PIGL: variants seen among roughly 807,000 people sequenced by gnomAD.
The protein encoded by PIGL is phosphatidylinositol glycan anchor biosynthesis class L, also known as N-acetylglucosaminyl-phosphatidylinositol de-N-acetylase.
Under a neutral mutation model 31.1 loss-of-function variants are expected in PIGL, and 22 were observed. The ratio of observed to expected loss-of-function variants is 0.71; its 90% CI spans 0.51 to 1.01. PIGL has a LOEUF of 1.01. PIGL is among the 50% of genes least tolerant of loss of function. The pLI, the probability that PIGL is intolerant of heterozygous loss-of-function variation, is 0.00. For synonymous variants in PIGL, 131 were observed against 117.4 expected, an observed-to-expected ratio of 1.12 and a Z score of -0.75; for missense variants, 302 against 315.9, an observed-to-expected ratio of 0.96 and a Z score of 0.33.
At chr17:16,316,906 G>C (rs1003737840) in intron 5 of PIGL, 194 bp downstream of exon 5, 13 of 1,369,654 alleles carry the variant, frequency 9.5e-6, no homozygotes, top group Non-Finnish European at 1.2e-5. Context: ...CTGCCTGCAG[G>C]GCCACCTCTG....
At chr17:16,239,220 A>T (rs1439089476) in intron 2 of PIGL, among the ~76,000 whole-genome samples, 1 of 150,816 alleles carries the variant, frequency 6.6e-6, no homozygotes, top group East Asian at 2.0e-4. Flanking sequence ...CGGGTGGCTC[A>T]CGCCTGTAAT....
At chr17:16,237,373 G>A (rs947916062) in intron 2 of PIGL, among the ~76,000 whole-genome samples, 5 of 151,156 alleles carry the variant, frequency 3.3e-5, no homozygotes, top group Non-Finnish European at 5.9e-5. Context: ...CTCCCAAAGT[G>A]CTGGGATTAC....
At chr17:16,255,701 C>T (rs190886295) in intron 2 of PIGL, among the ~76,000 whole-genome samples, 70 of 152,306 alleles carry the variant, frequency 4.6e-4, no homozygotes, top group African/African-American at 1.5e-3. Flanking sequence ...GATCTGACCA[C>T]GCGTCCTCTC....
intron 2 of PIGL, among the ~76,000 whole-genome samples, chr17:16,262,918 A>G (rs1456117999): frequency 6.6e-6 from 1 of 152,190 alleles, no homozygotes; most frequent in Non-Finnish European, 1.5e-5. Flanking sequence ...ATGCTGTAGC[A>G]TGGATGAACC....
intron 1 of PIGL, among the ~76,000 whole-genome samples, chr17:16,221,838 C>T (rs987674276): frequency 6.6e-6 from 1 of 152,120 alleles, no homozygotes; most frequent in Non-Finnish European, 1.5e-5. Flanking sequence ...CTGGGCTGCT[C>T]TTGAACTCCT....
chr17:16,315,310 G>A (rs193022759), intron 4 of PIGL, among the ~76,000 whole-genome samples: 8 of 152,244 alleles, frequency 5.3e-5, no homozygotes, highest in East Asian at 3.9e-4. Flanking sequence ...TGCTAAATTC[G>A]TTAGACTCAC....
At chr17:16,281,549 A>C (rs191873633) in intron 2 of PIGL, among the ~76,000 whole-genome samples, 4 of 152,376 alleles carry the variant, frequency 2.6e-5, no homozygotes, top group Non-Finnish European at 5.9e-5. Context: ...TACATTCTTA[A>C]GTAACCACAT....
At chr17:16,321,237 C>CTTT (rs772667855) in intron 6 of PIGL, among the ~76,000 whole-genome samples, 11 of 119,812 alleles carry the variant, frequency 9.2e-5, no homozygotes, top group African/African-American at 3.6e-4. Context: ...TGCGCCGGGC[C>CTTT]TTTTTTTTTT....
chr17:16,282,720 T>G (rs1008024019), intron 2 of PIGL, among the ~76,000 whole-genome samples: 4 of 152,198 alleles, frequency 2.6e-5, no homozygotes, highest in African/African-American at 9.6e-5. Context: ...CTCATTAAGT[T>G]GGTGAAAGAG....
intron 2 of PIGL, among the ~76,000 whole-genome samples, chr17:16,275,684 A>G (rs563985317): frequency 6.6e-6 from 1 of 152,180 alleles, no homozygotes; most frequent in East Asian, 1.9e-4. Flanking sequence ...ATTACTGCCT[A>G]TTAGGGTCTC....
rs1386647076 is a variant in PIGL at position 16,325,893 on chromosome 17, C to G, written c.754C>G (p.Leu252Val). ...RYMRINSLSFL is the reference protein window; with the variant it reads ...RYMRINSLSFV Reference sequence around the variant, plus strand: ...CATGAGAATCAACTCACTGAGCTTCCTCTGAAGCCTTGAAGGGTTTTCAGA... The same window carrying G: ...CATGAGAATCAACTCACTGAGCTTCGTCTGAAGCCTTGAAGGGTTTTCAGA... The change falls in exon 7 of 7, where the codon CTC becomes GTC. Residue 252 changes from leucine (L) to valine (V), a missense_variant. Coordinates refer to ENST00000225609, the MANE Select transcript of PIGL (RefSeq NM_004278.4). 6.2e-7 allele frequency: 1 copy of G among 1,609,820 alleles called. No homozygotes were observed. The highest frequency in any genetic ancestry group is 1.3e-5 in the African/African-American group (1 of 74,952).
rs189875396 is a variant in PIGL at position 16,237,924 on chromosome 17, G to A, written c.335+3854G>A. Among the ~76,000 whole-genome samples the A allele has an allele frequency of 2.7e-3, 405 of 151,852 alleles. 3 individuals carry two copies. Among genetic ancestry groups the A allele is most frequent in the Middle Eastern group, 0.01 (3 of 294 alleles). On this transcript the variant is annotated intron_variant, in intron 2 of 6. Coordinates refer to ENST00000225609, the MANE Select transcript of PIGL (RefSeq NM_004278.4). ...CTTTTCAAGAATTTCAGGGCCGGGCGCATTGGCTCACGCCTGTAATCCCAG... is the reference window on the plus strand; with the variant it reads ...CTTTTCAAGAATTTCAGGGCCGGGCACATTGGCTCACGCCTGTAATCCCAG...
chr17:16,308,611 G>A (rs926433236), intron 3 of PIGL, among the ~76,000 whole-genome samples: 6 of 152,110 alleles, frequency 3.9e-5, no homozygotes, highest in Admixed American at 1.3e-4. Flanking sequence ...ATCCCAAAAT[G>A]CCTGTAATCC....
chr17:16,235,343 A>G (rs1336895619), intron 2 of PIGL, among the ~76,000 whole-genome samples: 1 of 151,802 alleles, frequency 6.6e-6, no homozygotes, highest in African/African-American at 2.4e-5. Flanking sequence ...TTTTCTCCAA[A>G]TCAGTGGATT....
chr17:16,245,650 G>A (rs935325974), intron 2 of PIGL, among the ~76,000 whole-genome samples: 7 of 150,694 alleles, frequency 4.6e-5, no homozygotes, highest in Admixed American at 4.0e-4. Flanking sequence ...TGATCTGCCC[G>A]CCTCAGCCCT....
intron 1 of PIGL, among the ~76,000 whole-genome samples, chr17:16,229,730 G>A (rs178787): frequency 0.48 from 72,543 of 151,642 alleles, 17,723 homozygotes; most frequent in Middle Eastern, 0.57. Context: ...TCATTTCCCT[G>A]ATGACTAAGG....
chr17:16,237,145 T>A (rs564291570), intron 2 of PIGL, among the ~76,000 whole-genome samples: 1 of 139,244 alleles, frequency 7.2e-6, no homozygotes, highest in Non-Finnish European at 1.5e-5. Flanking sequence ...TCTTGCTGTG[T>A]CGCCCAGGCT....
intron 2 of PIGL, among the ~76,000 whole-genome samples, chr17:16,255,900 T>C (rs1185265287): frequency 2.6e-5 from 4 of 152,156 alleles, no homozygotes; most frequent in Non-Finnish European, 5.9e-5. Flanking sequence ...GAGACCAAAG[T>C]AGACCTAGCT....
At chr17:16,225,555 A>AT (rs367944546) in intron 1 of PIGL, among the ~76,000 whole-genome samples, 65 of 138,366 alleles carry the variant, frequency 4.7e-4, no homozygotes, top group East Asian at 1.1e-3. Flanking sequence ...TGCCCGGCTA[A>AT]TTTTTTTTTT....
Sources: gnomAD v4.1 joint callset for allele counts (sites outside exome capture counted in the v4.1 genomes callset) on GRCh38, gnomAD v4.1.1 for gene constraint, MANE v1.5 for transcripts, NCBI Gene and HGNC (gene_info 2026-07-23, HGNC 2026-07-21) for gene names.